Variants in DNHD1 observed in about 807,000 individuals in gnomAD.
DNHD1 encodes dynein heavy chain domain 1, also known as dynein heavy chain domain-containing protein 1.
A neutral mutation model predicts 458.1 loss-of-function variants in DNHD1; 383 were observed. That is an observed-to-expected ratio of 0.84 (90% CI 0.77 to 0.91). The LOEUF (loss-of-function observed/expected upper bound fraction) is 0.91, where lower values mean the gene tolerates loss of function less well. Ranked by LOEUF, DNHD1 falls within the 40% of genes least tolerant of loss-of-function variation. The pLI is 0.00. For synonymous variants in DNHD1, 2,203 were observed against 2,376.9 expected, an observed-to-expected ratio of 0.93 and a Z score of 2.13; for missense variants, 5,336 against 5,866.1, an observed-to-expected ratio of 0.91 and a Z score of 2.95.
chr11:6,564,557 T>TACACACTCGGGAGAGGG lies in DNHD1; in HGVS notation c.10517_10518insGGGAGAGGGACACACTC (p.Pro3507GlyfsTer14). The TACACACTCGGGAGAGGG allele has an allele frequency of 1.3e-6, 2 of 1,551,722 alleles. No homozygotes were observed. Among genetic ancestry groups the TACACACTCGGGAGAGGG allele is most frequent in the Non-Finnish European group, 1.7e-6 (2 of 1,146,992 alleles). On this transcript the variant is annotated frameshift_variant, in exon 32 of 43. Transcript: ENST00000254579. LOFTEE classifies it high-confidence loss of function. ...TACCACCAAAGAACCCCCTGCTGGC[T>TACACACTCGGGAGAGGG]ACACACTCTCCCTTCAGTATTCTGT...
At position 6,567,387 on chromosome 11, in the gene DNHD1, G is replaced by A; in HGVS notation, c.11878G>A (p.Gly3960Arg). 6.2e-7 allele frequency: 1 copy of A among 1,613,818 alleles called. No homozygotes were observed. The highest frequency in any genetic ancestry group is 8.5e-7 in the Non-Finnish European group (1 of 1,179,794). ...SELERLALWP[G>R]LAASPSTVHS... ...GCTGGAAAGACTGGCACTCTGGCCT[G>A]GACTAGCAGCCTCTCCCAGCACAGT... The change falls in exon 36 of 43, where the codon GGA becomes AGA. Residue 3960 changes from glycine to arginine, a missense_variant. Around this residue, in one of 4 missense-constraint regions of DNHD1, gnomAD observed 695 missense variants for 804.2 expected, o/e 0.86. Transcript: ENST00000254579.
Position 6,557,256 on chromosome 11 carries a change from C to A in DNHD1, c.7961C>A (p.Thr2654Asn). Residue 2654 changes from threonine (T) to asparagine (N), a missense_variant, in exon 25 of 43, where the codon ACC (threonine) becomes AAC (asparagine). By Grantham distance (65) the Thr-to-Asn change is moderately conservative (BLOSUM62 0). This residue lies in a region of DNHD1 where 3,932 missense variants were observed against 4,365.6 expected (regional missense o/e 0.90). Transcript: ENST00000254579. Reference sequence around the variant, plus strand: ...CTTTGGTTGCATGAGGCACAGAGAACCTTTTGCGACCGGCTGGACAGCCCC... The same window carrying A: ...CTTTGGTTGCATGAGGCACAGAGAAACTTTTGCGACCGGCTGGACAGCCCC... ...VRLWLHEAQR[T>N]FCDRLDSPRE... 6.4e-7 allele frequency: 1 copy of A among 1,551,590 alleles called. No individual in the cohort carries two copies. The highest frequency in any genetic ancestry group is 8.7e-7 in the Non-Finnish European group (1 of 1,146,990).
chr11:6,547,720 G>T, intron 21 of DNHD1, 54 bp downstream of exon 21: 1 of 1,486,942 alleles, frequency 6.7e-7, no homozygotes, highest in Non-Finnish European at 9.0e-7. Context: ...GGGTAGCTGG[G>T]GTATATAGCT....
chr11:6,562,253 A>T (rs1369875835), intron 28 of DNHD1, among the ~76,000 whole-genome samples: 1 of 152,216 alleles, frequency 6.6e-6, no homozygotes, highest in Non-Finnish European at 1.5e-5. Flanking sequence ...TCTTGCCACC[A>T]TTCTCTGAGA....
In DNHD1 at chr11:6,498,996, G is replaced by A. The variant is rs756233062; in HGVS notation, c.746+35G>A. 3.3e-6 allele frequency: 5 copies of A among 1,530,700 alleles called. No homozygotes were observed. The African/African-American group carries it at 5.6e-5, about 17-fold the overall frequency. The allele number at this position is 1,530,700 out of a possible 1,614,324, so 94.8% of individuals were successfully genotyped here. On this transcript the variant is annotated intron_variant, in intron 3 of 42. Coordinates refer to ENST00000254579, the MANE Select transcript of DNHD1 (RefSeq NM_144666.3). Reference sequence around the variant, plus strand: ...GGACTCAGTCTAGGGCTTGAGCAGAGGAGAAAAAGTTGCTGTTTTATGGGT... The same window carrying A: ...GGACTCAGTCTAGGGCTTGAGCAGAAGAGAAAAAGTTGCTGTTTTATGGGT...
intron 10 of DNHD1, among the ~76,000 whole-genome samples, chr11:6,525,379 GA>G (rs1468223428): frequency 1.3e-5 from 2 of 152,232 alleles, no homozygotes; most frequent in African/African-American, 4.8e-5. Flanking sequence ...GAGGAAGGGA[GA>G]AGGGAATAGC....
In DNHD1 at chr11:6,511,441, T is replaced by C; in HGVS notation, c.1392+12T>C. 1.2e-6 allele frequency: 2 copies of C among 1,613,260 alleles called. No homozygotes were observed. Among genetic ancestry groups the C allele is most frequent in the Non-Finnish European group, 1.7e-6 (2 of 1,179,450 alleles). On this transcript the variant is annotated intron_variant, in intron 7 of 42. Transcript: ENST00000254579. Reference sequence around the variant, plus strand: ...CCATTCTTCGACTGGTAAGAGGCTCTTAGTTTATTGTGGACCTCTTCCCCA... The same window carrying C: ...CCATTCTTCGACTGGTAAGAGGCTCCTAGTTTATTGTGGACCTCTTCCCCA...
At chr11:6,530,731 C>T (rs1180998101) in intron 12 of DNHD1, among the ~76,000 whole-genome samples, 4 of 152,196 alleles carry the variant, frequency 2.6e-5, no homozygotes, top group Non-Finnish European at 5.9e-5. Flanking sequence ...CACTAAAACT[C>T]CCTCCTCTTG....
intron 36 of DNHD1, 67 bp from the exon 37 acceptor site, chr11:6,567,988 AG>A (rs1853747487): frequency 1.3e-6 from 2 of 1,485,078 alleles, no homozygotes; most frequent in African/African-American, 2.8e-5. Context: ...TGGTAGCATT[AG>A]TTTGGGTCCC....
Position 6,562,972 on chromosome 11 carries a change from G to T in DNHD1, c.9520-10G>T. Reference sequence around the variant, plus strand: ...ATCTGGAGCTGCAGGGCCTGGATCTGTCTCTGCAGAGTCTCAGCATGTTTC... The same window carrying T: ...ATCTGGAGCTGCAGGGCCTGGATCTTTCTCTGCAGAGTCTCAGCATGTTTC... On this transcript the variant is annotated splice_polypyrimidine_tract_variant and intron_variant, in intron 28 of 42. Coordinates refer to ENST00000254579, the MANE Select transcript of DNHD1 (RefSeq NM_144666.3). The T allele has an allele frequency of 6.4e-7, 1 of 1,551,068 alleles. No homozygotes were observed.
chr11:6,512,503 T>G (rs1009433613), intron 7 of DNHD1, among the ~76,000 whole-genome samples: 2 of 152,008 alleles, frequency 1.3e-5, no homozygotes, highest in Non-Finnish European at 2.9e-5. Flanking sequence ...ATTACAGGTG[T>G]GAACCACCGC....
In DNHD1 at chr11:6,509,027, G is replaced by C. The variant is rs746295368; in HGVS notation, c.1068G>C (p.Gln356His). 6.2e-6 allele frequency: 10 copies of C among 1,614,116 alleles called. No individual in the cohort carries two copies. Among genetic ancestry groups the C allele is most frequent in the Middle Eastern group, 1.6e-4 (1 of 6,084 alleles). Residue 356 changes from glutamine (Q) to histidine (H), a missense_variant, in exon 5 of 43, where the codon CAG becomes CAC. By Grantham distance (24) the Gln-to-His change is conservative. This residue lies in a region of DNHD1 where 3,932 missense variants were observed against 4,365.6 expected (regional missense o/e 0.90). Coordinates refer to ENST00000254579, the MANE Select transcript of DNHD1 (RefSeq NM_144666.3). Reference protein sequence around the residue: ...GTWHHHCVLWQQLQFIPFFKY... With the variant: ...GTWHHHCVLWHQLQFIPFFKY... ...GGCACCATCACTGTGTTCTCTGGCA[G>C]CAGCTCCAGTTCATTCCATTCTTTA...
chr11:6,563,350 G>A, intron 29 of DNHD1, 32 bp from the exon 30 acceptor site: 1 of 1,549,404 alleles, frequency 6.5e-7, no homozygotes, highest in Non-Finnish European at 8.7e-7. Context: ...CATCTCAGGA[G>A]CTCACTTCAG....
rs1197985642 is a variant in DNHD1, at chr11:6,558,133, C to T, written c.8838C>T (p.Pro2946=). 1 of 1,551,588 alleles carries T rather than the reference C, an allele frequency of 6.4e-7. No homozygotes were observed. The highest frequency in any genetic ancestry group is 1.4e-5 in the African/African-American group (1 of 73,022). Residue 2946 remains proline (P), a synonymous_variant, in exon 25 of 43, where the codon CCC becomes CCT. Coordinates refer to ENST00000254579, the MANE Select transcript of DNHD1 (RefSeq NM_144666.3). ...MLSQPVALLV[P]SGVDLTTLHR... is the part of the protein sequence containing the mutation. ...GCCAGCCAGTGGCTCTGTTGGTACC[C>T]AGTGGTGTGGATCTCACTACACTTC...
At chr11:6,567,976 C>T (rs561553136) in intron 36 of DNHD1, 80 bp from the exon 37 acceptor site, 5 of 1,479,996 alleles carry the variant, frequency 3.4e-6, no homozygotes, top group South Asian at 2.8e-5. Flanking sequence ...CTTTGGGGAT[C>T]ATGGTAGCAT....
Position 6,570,815 on chromosome 11 carries a change from G to A in DNHD1, c.13303G>A (p.Ala4435Thr). ...TGAGTCTCGAAGAGGCGCCCAGCTT[G>A]CGGAAAGGCGACTGCGGCAACGCCT... The part of the protein sequence containing the change: ...VPESRRGAQL[A>T]ERRLRQRLVQ... Residue 4435 changes from alanine (A) to threonine (T), a missense_variant, in exon 42 of 43, where the codon GCG becomes ACG. Coordinates refer to ENST00000254579, the MANE Select transcript of DNHD1 (RefSeq NM_144666.3). 6.2e-7 allele frequency: 1 copy of A among 1,613,964 alleles called. No individual in the cohort carries two copies. The highest frequency in any genetic ancestry group is 1.3e-5 in the African/African-American group (1 of 75,078).
rs112287187 is a variant in DNHD1, at chr11:6,513,245, A to G, written c.1392+1816A>G. The stretch of plus-strand genomic sequence containing the variant: ...TTAAGGTATAATTCATATACAGTAG[A>G]CAAATTTTAACTGTAAAGTTGTTGA... On this transcript the variant is annotated intron_variant, in intron 7 of 42. Coordinates refer to ENST00000254579, the MANE Select transcript of DNHD1 (RefSeq NM_144666.3). Among the ~76,000 whole-genome samples the G allele has an allele frequency of 4.9e-3, 746 of 152,302 alleles. 9 individuals are homozygous for G. Among genetic ancestry groups the G allele is most frequent in the African/African-American group, 0.017 (723 of 41,550 alleles).
chr11:6,539,585 A>C (rs575546170), intron 17 of DNHD1, among the ~76,000 whole-genome samples: 1 of 152,298 alleles, frequency 6.6e-6, no homozygotes, highest in Non-Finnish European at 1.5e-5. Context: ...GTGCCCCCCA[A>C]CACCTGTCTT....
rs1490851016 is a variant in DNHD1 at position 6,547,410 on chromosome 11, T to C, written c.6471T>C (p.Leu2157=). Residue 2157 remains leucine (L), a synonymous_variant, in exon 21 of 43, where the codon CTT becomes CTC. Transcript: ENST00000254579. The stretch of plus-strand genomic sequence containing the variant: ...GAGAGCAGACTTGGCAGTGTATACT[T>C]AGTGCCCTGATGGCATCCCTTCCTT... ...CGGEQTWQCI[L]SALMASLPYE... 2.6e-5 allele frequency: 40 copies of C among 1,551,636 alleles called. No homozygotes were observed. The highest frequency in any genetic ancestry group is 2.4e-5 in the Non-Finnish European group (27 of 1,147,008).
Sources: allele counts gnomAD v4.1 joint callset (sites outside exome capture counted in the v4.1 genomes callset), GRCh38; gene constraint gnomAD v4.1.1; regional missense constraint gnomAD v4.1.1; transcripts MANE v1.5; gene names NCBI Gene and HGNC (gene_info 2026-07-23, HGNC 2026-07-21).